Variants in SHC3 observed in about 807,000 individuals in gnomAD.
SHC3 encodes the protein SHC-transforming protein 3.
Under a neutral mutation model 60.4 loss-of-function variants are expected in SHC3, and 15 were observed. That is an observed-to-expected ratio of 0.25 (90% CI 0.17 to 0.38). SHC3 has a LOEUF of 0.38. Ranked by LOEUF, SHC3 falls within the 10% of genes least tolerant of loss-of-function variation. The pLI is 1.00. For synonymous variants in SHC3, 294 were observed against 325.9 expected (o/e 0.90, Z 1.05); for missense variants, 677 against 786.1 (o/e 0.86, Z 1.66).
At chr9:89,022,352 G>C (rs1826216610) in intron 11 of SHC3, among the ~76,000 whole-genome samples, 1 of 152,126 alleles carries the variant, frequency 6.6e-6, no homozygotes, top group Non-Finnish European at 1.5e-5. Flanking sequence ...TTCAAAGCCT[G>C]CTCCACCAGT....
chr9:89,066,565 T>C (rs1825184782), intron 5 of SHC3, among the ~76,000 whole-genome samples: 1 of 152,028 alleles, frequency 6.6e-6, no homozygotes, highest in Non-Finnish European at 1.5e-5. Context: ...GAGAAACCAA[T>C]AATTATCTTA....
chr9:89,024,793 C>T (rs1385206750), intron 11 of SHC3, among the ~76,000 whole-genome samples: 1 of 152,196 alleles, frequency 6.6e-6, no homozygotes, highest in East Asian at 1.9e-4. Flanking sequence ...AGCAGAGCCT[C>T]CTGCAGGGTG....
chr9:89,102,503 T>C (rs1336427974), intron 2 of SHC3, among the ~76,000 whole-genome samples: 1 of 152,224 alleles, frequency 6.6e-6, no homozygotes, highest in African/African-American at 2.4e-5. Flanking sequence ...TATAATGATA[T>C]GTCTGTGTCT....
Position 89,013,511 on chromosome 9 carries a change from C to T in SHC3, c.1721G>A (p.Ser574Asn). The T allele has an allele frequency of 6.2e-7, 1 of 1,614,076 alleles. No homozygotes were observed. Among genetic ancestry groups the T allele is most frequent in the Non-Finnish European group, 8.5e-7 (1 of 1,179,980 alleles). ...ACTCCCTGCAGAGACAATGGGCAGG[C>T]TGCTTTCTAGGTGGTGGTTGATGAG... is the stretch of plus-strand genomic sequence containing the variant. ...SHLINHHLES[S>N]LPIVSAGSEL... Residue 574 changes from serine (S) to asparagine (N), a missense_variant, in exon 12 of 12, where the codon AGC becomes AAC. Ser to Asn is a conservative substitution (Grantham distance 46). Coordinates refer to ENST00000375835, the MANE Select transcript of SHC3 (RefSeq NM_016848.6).
intron 1 of SHC3, among the ~76,000 whole-genome samples, chr9:89,114,927 G>A (rs1024776215): frequency 2.6e-5 from 4 of 152,078 alleles, no homozygotes; most frequent in East Asian, 1.9e-4. Flanking sequence ...ATGTCGCAGC[G>A]TGATATGAAT....
chr9:89,011,400 A>G lies in SHC3; in HGVS notation c.*2047T>C, dbSNP rs1826012188. On this transcript the variant is annotated 3_prime_UTR_variant, in exon 12 of 12. Transcript: ENST00000375835. ...TTTGCTATTGTCCCTGAATGTTATA[A>G]TAGCATTTTGACCTTTCACAAGTGG... The G allele has an allele frequency of 6.6e-6, 1 of 152,208 alleles. No homozygotes were observed. Among genetic ancestry groups the G allele is most frequent in the African/African-American group, 2.4e-5 (1 of 41,460 alleles). 9.4% of individuals were successfully genotyped at this position (152,208 alleles called of 1,614,324 possible). A position where few individuals can be genotyped will look rare whatever the true frequency, so the allele number is the denominator to read the frequency against.
chr9:89,093,381 C>A (rs1348215818), intron 2 of SHC3, among the ~76,000 whole-genome samples: 1 of 152,120 alleles, frequency 6.6e-6, no homozygotes, highest in Non-Finnish European at 1.5e-5. Flanking sequence ...AAAAAGGGCA[C>A]AAGAGATTTT....
intron 1 of SHC3, among the ~76,000 whole-genome samples, chr9:89,155,797 C>G (rs937450491): frequency 1.3e-5 from 2 of 152,176 alleles, no homozygotes; most frequent in African/African-American, 4.8e-5. Flanking sequence ...TGACTTGGCA[C>G]CTGAGGGTTC....
At chr9:89,076,890 A>C (rs1370800353) in intron 3 of SHC3, among the ~76,000 whole-genome samples, 1 of 152,210 alleles carries the variant, frequency 6.6e-6, no homozygotes, top group East Asian at 1.9e-4. Flanking sequence ...AAAAAAACAG[A>C]CAATAGGGCC....
chr9:89,072,805 G>C (rs796449030), intron 4 of SHC3, among the ~76,000 whole-genome samples: 2 of 152,068 alleles, frequency 1.3e-5, no homozygotes, highest in African/African-American at 4.8e-5. Flanking sequence ...AGGCAGTCAG[G>C]ATTTATATAG....
intron 1 of SHC3, among the ~76,000 whole-genome samples, chr9:89,116,684 T>C: frequency 6.6e-6 from 1 of 152,234 alleles, no homozygotes; most frequent in East Asian, 1.9e-4. Context: ...CCGTGAACAG[T>C]ATCACTGAGT....
At chr9:89,127,375 T>C (rs2093413804) in intron 1 of SHC3, among the ~76,000 whole-genome samples, 1 of 152,158 alleles carries the variant, frequency 6.6e-6, no homozygotes, top group Admixed American at 6.5e-5. Context: ...TAAAAGAATT[T>C]TTTTAAAACA....
chr9:89,065,918 A>G (rs1281606169), intron 5 of SHC3, among the ~76,000 whole-genome samples: 1 of 152,134 alleles, frequency 6.6e-6, no homozygotes, highest in Non-Finnish European at 1.5e-5. Flanking sequence ...CAGCAAGGAG[A>G]AAAGGCATGT....
intron 5 of SHC3, among the ~76,000 whole-genome samples, chr9:89,068,248 C>A (rs1268038359): frequency 6.6e-6 from 1 of 152,150 alleles, no homozygotes; most frequent in East Asian, 1.9e-4. Context: ...TTGTGGTGGT[C>A]TTTTAACACT....
Position 89,046,992 on chromosome 9 carries a change from A to T in SHC3, c.965T>A (p.Met322Lys), listed in dbSNP as rs760417044. The change falls in exon 8 of 12, where the codon ATG (methionine) becomes AAG (lysine). Residue 322 changes from methionine (M) to lysine (K), a missense_variant and splice_region_variant. By Grantham distance (95) the Met-to-Lys change is moderately conservative (BLOSUM62 -1). Transcript: ENST00000375835. The part of the protein sequence containing the change: ...PTKIPALHDR[M>K]QSLDEPWTEE... ...CGTCCATGGCTCATCCAGACTCTGC[A>T]TTCTGTTAAAGGAAGATTTCCAAGG... is the stretch of plus-strand genomic sequence containing the variant. 5.7e-6 allele frequency: 9 copies of T among 1,575,592 alleles called. No individual in the cohort carries two copies. The highest frequency in any genetic ancestry group is 5.7e-5 in the Admixed American group (3 of 52,840).
intron 7 of SHC3, among the ~76,000 whole-genome samples, chr9:89,049,153 C>T (rs1172502942): frequency 6.6e-6 from 1 of 152,158 alleles, no homozygotes; most frequent in African/African-American, 2.4e-5. Flanking sequence ...CCCAGCTACT[C>T]AGGAGGCTGA....
chr9:89,147,629 C>T (rs541392656), intron 1 of SHC3, among the ~76,000 whole-genome samples: 5 of 152,254 alleles, frequency 3.3e-5, no homozygotes, highest in African/African-American at 9.6e-5. Context: ...TGAAATAGAA[C>T]GCTCTGTGTC....
intron 5 of SHC3, among the ~76,000 whole-genome samples, chr9:89,068,749 G>A (rs1825223085): frequency 6.6e-6 from 1 of 151,784 alleles, no homozygotes; most frequent in Admixed American, 6.6e-5. Flanking sequence ...AAATAGTTTT[G>A]ACACAAACCA....
intron 1 of SHC3, among the ~76,000 whole-genome samples, chr9:89,176,129 C>T (rs113939736): frequency 0.012 from 1,760 of 152,282 alleles, 32 homozygotes; most frequent in African/African-American, 0.038. Context: ...CACCCCTCAA[C>T]CCATCACTGC....
Sources: allele counts gnomAD v4.1 joint callset (sites outside exome capture counted in the v4.1 genomes callset), GRCh38; gene constraint gnomAD v4.1.1; transcripts MANE v1.5; gene names NCBI Gene and HGNC (gene_info 2026-07-23, HGNC 2026-07-21).